The following SEC24B variants were observed in gnomAD, a reference collection of about 807,000 sequenced individuals.
SEC24B encodes protein transport protein Sec24B.
In SEC24B, 45 loss-of-function variants were observed where a neutral mutation model predicts 142.8. The observed-to-expected ratio is 0.32, with a 90% CI of 0.25 to 0.40. The LOEUF is 0.40. SEC24B is among the 10% of genes least tolerant of loss of function. The probability of loss-of-function intolerance (pLI) is 1.00; values close to 1 mark genes in which losing one functional copy is unlikely to be tolerated. For missense variants in SEC24B, 1,409 were observed against 1,526.8 expected (o/e 0.92, Z 1.29); for synonymous variants, 574 against 568.2 (o/e 1.01, Z -0.15).
At chr4:109,475,458 G>A (rs1319239927) in intron 3 of SEC24B, among the ~76,000 whole-genome samples, 1 of 152,138 alleles carries the variant, frequency 6.6e-6, no homozygotes. Context: ...CAAAGACACC[G>A]TTGCTTAGTT....
chr4:109,496,506 T>A (rs1400296084), intron 6 of SEC24B, among the ~76,000 whole-genome samples: 1 of 152,150 alleles, frequency 6.6e-6, no homozygotes, highest in Non-Finnish European at 1.5e-5. Context: ...GAAGTAAGAA[T>A]GAAAATGAGA....
chr4:109,456,354 A>G (rs1179171620), intron 1 of SEC24B, among the ~76,000 whole-genome samples: 2 of 40,722 alleles, frequency 4.9e-5, no homozygotes, highest in African/African-American at 9.9e-5. Flanking sequence ...TTTTTTTTTT[A>G]CTCCTTTCCA....
chr4:109,527,292 C>G (rs951551831), intron 17 of SEC24B, 30 bp from the exon 18 acceptor site: 2 of 1,361,576 alleles, frequency 1.5e-6, no homozygotes, highest in Non-Finnish European at 2.1e-6. Context: ...CCTTTTTGAT[C>G]TAATGTATTT....
intron 4 of SEC24B, among the ~76,000 whole-genome samples, chr4:109,485,280 A>C (rs943111084): frequency 1.3e-5 from 2 of 152,248 alleles, no homozygotes; most frequent in Admixed American, 6.5e-5. Flanking sequence ...AATCAACTCT[A>C]TTTTACAGAT....
intron 3 of SEC24B, among the ~76,000 whole-genome samples, chr4:109,474,238 A>G (rs1467007317): frequency 6.6e-6 from 1 of 152,214 alleles, no homozygotes; most frequent in African/African-American, 2.4e-5. Context: ...TTGCCTTCAA[A>G]GTGAAGGTCC....
intron 10 of SEC24B, 57 bp from the exon 11 acceptor site, chr4:109,516,471 T>C (rs1018578651): frequency 5.6e-5 from 56 of 1,004,364 alleles, no homozygotes; most frequent in Non-Finnish European, 7.9e-5. Flanking sequence ...AATAGTAATA[T>C]ATAAAAAGAA....
chr4:109,463,228 C>T lies in SEC24B; in HGVS notation c.461C>T (p.Ser154Phe), dbSNP rs1731486310. The T allele has an allele frequency of 6.2e-7, 1 of 1,614,064 alleles. No homozygotes were observed. Among genetic ancestry groups the T allele is most frequent in the Admixed American group, 1.7e-5 (1 of 60,000 alleles). ...ACGAGTGCCTCCCAACCATACTCCT[C>T]TTTTGTGAATCACTACAATAGTCCA... ...LHTSASQPYS[S>F]FVNHYNSPAM... Residue 154 changes from serine to phenylalanine, a missense_variant, in exon 2 of 24, where the codon TCT becomes TTT. Physicochemically the swap from Ser to Phe is radical, Grantham distance 155 (BLOSUM62 -2). Coordinates refer to ENST00000265175, the MANE Select transcript of SEC24B (RefSeq NM_006323.5).
intron 1 of SEC24B, among the ~76,000 whole-genome samples, chr4:109,461,469 T>G (rs1387052360): frequency 6.6e-6 from 1 of 152,224 alleles, no homozygotes; most frequent in Non-Finnish European, 1.5e-5. Flanking sequence ...GTGAATAATG[T>G]TATATCTCTA....
Position 109,525,025 on chromosome 4 carries a change from CTA to C in SEC24B, c.2632+88_2632+89del. 3.1e-6 allele frequency: 4 copies of C among 1,290,844 alleles called. No individual in the cohort carries two copies. The South Asian group carries it at 6.0e-5, about 19-fold the overall frequency. The allele number at this position is 1,290,844 out of a possible 1,614,324, so 80.0% of individuals were successfully genotyped here. On this transcript the variant is annotated intron_variant, in intron 15 of 23. Transcript: ENST00000265175. ...ATCTAAACTCTTCAGTAAGCATTCT[CTA>C]TATTTTAGGGAGAAAAGCATGTGCA...
chr4:109,457,350 G>A (rs1395073913), intron 1 of SEC24B, among the ~76,000 whole-genome samples: 1 of 152,212 alleles, frequency 6.6e-6, no homozygotes, highest in Non-Finnish European at 1.5e-5. Flanking sequence ...GAATGCCTGA[G>A]ACTGTCTAGT....
chr4:109,518,947 C>T (rs1723290655), intron 11 of SEC24B, among the ~76,000 whole-genome samples: 1 of 151,884 alleles, frequency 6.6e-6, no homozygotes, highest in Non-Finnish European at 1.5e-5. Context: ...GCTGCGACTA[C>T]AAGCGCACAC....
At chr4:109,518,590 G>A (rs1169061542) in intron 11 of SEC24B, among the ~76,000 whole-genome samples, 2 of 152,138 alleles carry the variant, frequency 1.3e-5, no homozygotes, top group East Asian at 3.8e-4. Flanking sequence ...ATAACATTAA[G>A]ATGTTCAAGA....
intron 3 of SEC24B, among the ~76,000 whole-genome samples, chr4:109,479,738 A>G (rs1004749667): frequency 9.9e-5 from 15 of 152,122 alleles, no homozygotes; most frequent in African/African-American, 3.6e-4. Context: ...CTTGGCTCAA[A>G]TTTTTGTTTT....
Position 109,540,218 on chromosome 4 carries a change from G to A in SEC24B, c.*543G>A, listed in dbSNP as rs138729657. 2 of 152,584 alleles carry A rather than the reference G, an allele frequency of 1.3e-5. No individual in the cohort carries two copies. Among genetic ancestry groups the A allele is most frequent in the African/African-American group, 2.4e-5 (1 of 41,428 alleles). The allele number at this position is 152,584 out of a possible 1,614,324, so 9.5% of individuals were successfully genotyped here. ...CTATAGAAAAAAATCTATATATAATGTACATAAATGTTACATTTGTAAAGA... is the reference window on the plus strand; with the variant it reads ...CTATAGAAAAAAATCTATATATAATATACATAAATGTTACATTTGTAAAGA... On this transcript the variant is annotated 3_prime_UTR_variant, in exon 24 of 24. Coordinates refer to ENST00000265175, the MANE Select transcript of SEC24B (RefSeq NM_006323.5).
In SEC24B at chr4:109,439,747, C is replaced by T. The variant is rs1424707407; in HGVS notation, c.133+5745C>T. Among the ~76,000 whole-genome samples, 7 of 150,660 alleles carry T rather than the reference C, an allele frequency of 4.6e-5. No individual in the cohort carries two copies. In the South Asian group the frequency reaches 6.3e-4, roughly 14 times the overall value. ...AACTGCTGACCTCAGATGATCCACC[C>T]GCCTTAGCCTCCCAAAGTGCTGGGA... On this transcript the variant is annotated intron_variant, in intron 1 of 23. Transcript: ENST00000265175.
At chr4:109,529,412 A>T (rs952129298) in intron 18 of SEC24B, among the ~76,000 whole-genome samples, 1 of 152,110 alleles carries the variant, frequency 6.6e-6, no homozygotes, top group African/African-American at 2.4e-5. Context: ...ATATAATTCT[A>T]TTTTTAGTGC....
chr4:109,489,740 C>T (rs999641437), intron 4 of SEC24B, among the ~76,000 whole-genome samples: 1 of 150,090 alleles, frequency 6.7e-6, no homozygotes, highest in Non-Finnish European at 1.5e-5. Flanking sequence ...AGCAAATTTT[C>T]AGGTTTCATT....
intron 8 of SEC24B, among the ~76,000 whole-genome samples, chr4:109,511,394 A>G (rs1737316126): frequency 6.6e-6 from 1 of 151,980 alleles, no homozygotes; most frequent in Non-Finnish European, 1.5e-5. Flanking sequence ...AAACAGAATG[A>G]TATACTAAAA....
intron 11 of SEC24B, 83 bp from the exon 12 acceptor site, chr4:109,520,283 A>C: frequency 1.2e-6 from 1 of 842,636 alleles, no homozygotes; most frequent in Non-Finnish European, 2.0e-6. Context: ...TTATCCTTGG[A>C]CTTAAATTAC....
Sources: allele counts gnomAD v4.1 joint callset (sites outside exome capture counted in the v4.1 genomes callset), GRCh38; gene constraint gnomAD v4.1.1; transcripts MANE v1.5; gene names NCBI Gene and HGNC (gene_info 2026-07-23, HGNC 2026-07-21).